The following RANBP17 variants were observed in gnomAD, a reference collection of about 807,000 sequenced individuals.
RANBP17 encodes RAN binding protein 17, also known as ran-binding protein 17.
A neutral mutation model predicts 141.2 loss-of-function variants in RANBP17; 158 were observed. The observed-to-expected ratio is 1.12, with a 90% CI of 0.98 to 1.28. The LOEUF (loss-of-function observed/expected upper bound fraction) is 1.28, where lower values mean the gene tolerates loss of function less well. RANBP17 is among the 50% of genes most tolerant of loss of function. RANBP17 has a pLI of 0.00. For missense variants in RANBP17, 1,438 were observed against 1,290.7 expected, an observed-to-expected ratio of 1.11 and a Z score of -1.75; for synonymous variants, 430 against 450.0, an observed-to-expected ratio of 0.96 and a Z score of 0.56.
intron 21 of RANBP17, among the ~76,000 whole-genome samples, chr5:171,216,929 C>G (rs1169520597): frequency 1.3e-5 from 2 of 152,162 alleles, no homozygotes; most frequent in African/African-American, 2.4e-5. Context: ...TTGCCCTGGT[C>G]AGAACTTCCA....
In RANBP17 at chr5:171,262,537, A is replaced by AT. The variant is rs1417918440; in HGVS notation, c.2777-3138dup. 3.9e-5 allele frequency among the ~76,000 whole-genome samples: 6 copies of AT among 152,198 alleles called. No individual in the cohort carries two copies. In the South Asian group the frequency reaches 8.3e-4, roughly 21 times the overall value. On this transcript the variant is annotated intron_variant, in intron 24 of 27. Transcript: ENST00000523189. ...TATTATTTTTAATTGACACTTGATA[A>AT]TTTTTTATATTTATGGAGTACCATG...
intron 22 of RANBP17, among the ~76,000 whole-genome samples, chr5:171,232,919 A>G (rs1244068446): frequency 6.6e-6 from 1 of 152,236 alleles, no homozygotes; most frequent in Admixed American, 6.5e-5. Context: ...TGCTTCAGTC[A>G]ATAACTTTGT....
chr5:171,064,299 A>T (rs1046917996), intron 14 of RANBP17, among the ~76,000 whole-genome samples: 2 of 152,220 alleles, frequency 1.3e-5, no homozygotes, highest in Non-Finnish European at 2.9e-5. Flanking sequence ...CTATTCGGCC[A>T]TCTTGGCTGC....
At chr5:170,876,902 T>C (rs997237903) in intron 1 of RANBP17, among the ~76,000 whole-genome samples, 1 of 152,184 alleles carries the variant, frequency 6.6e-6, no homozygotes, top group Non-Finnish European at 1.5e-5. Flanking sequence ...CTACCTGACA[T>C]TGAAATCTGT....
intron 1 of RANBP17, among the ~76,000 whole-genome samples, chr5:170,875,227 G>A (rs894177892): frequency 3.9e-5 from 6 of 152,146 alleles, no homozygotes; most frequent in Admixed American, 1.3e-4. Flanking sequence ...CCCTTTGTAG[G>A]TGACCTGGCC....
chr5:171,227,222 A>G (rs1422058965), intron 22 of RANBP17, among the ~76,000 whole-genome samples: 1 of 152,268 alleles, frequency 6.6e-6, no homozygotes, highest in Non-Finnish European at 1.5e-5. Context: ...CTCTTGCACC[A>G]AACAGCCAAG....
At chr5:171,005,615 ATG>A (rs1415987908) in intron 14 of RANBP17, among the ~76,000 whole-genome samples, 1 of 152,224 alleles carries the variant, frequency 6.6e-6, no homozygotes, top group East Asian at 1.9e-4. Flanking sequence ...AAAGACTTAC[ATG>A]TTAGACCTAA....
At chr5:170,979,347 C>G (rs1581299093) in intron 14 of RANBP17, among the ~76,000 whole-genome samples, 1 of 152,266 alleles carries the variant, frequency 6.6e-6, no homozygotes, top group East Asian at 1.9e-4. Context: ...TATAAGAACT[C>G]TAGTTAAATA....
At chr5:171,082,114 T>C (rs1467864277) in intron 14 of RANBP17, among the ~76,000 whole-genome samples, 1 of 152,168 alleles carries the variant, frequency 6.6e-6, no homozygotes, top group Non-Finnish European at 1.5e-5. Flanking sequence ...AAAGCAGATA[T>C]TTTTCTAATA....
intron 25 of RANBP17, among the ~76,000 whole-genome samples, chr5:171,279,755 T>C (rs1244277854): frequency 6.6e-6 from 1 of 152,074 alleles, no homozygotes; most frequent in Non-Finnish European, 1.5e-5. Flanking sequence ...ACAAATTTAA[T>C]CCTGCAGTGA....
intron 14 of RANBP17, among the ~76,000 whole-genome samples, chr5:171,150,795 C>A (rs759593299): frequency 1.2e-4 from 18 of 152,120 alleles, no homozygotes; most frequent in Non-Finnish European, 2.2e-4. Context: ...CATAAGGAGT[C>A]AGAGGTGGTG....
At chr5:171,030,157 C>T (rs879759032) in intron 14 of RANBP17, among the ~76,000 whole-genome samples, 10 of 152,002 alleles carry the variant, frequency 6.6e-5, no homozygotes, top group Non-Finnish European at 1.5e-4. Flanking sequence ...ATTTTTCCAA[C>T]CATTAAGGTA....
intron 14 of RANBP17, among the ~76,000 whole-genome samples, chr5:171,141,523 C>T (rs891681999): frequency 7.1e-6 from 1 of 140,356 alleles, no homozygotes; most frequent in Non-Finnish European, 1.5e-5. Flanking sequence ...AGGAGAATGG[C>T]GTGAACCTGG....
At chr5:170,891,254 A>G (rs1009352375) in intron 3 of RANBP17, among the ~76,000 whole-genome samples, 2 of 152,242 alleles carry the variant, frequency 1.3e-5, no homozygotes, top group African/African-American at 4.8e-5. Flanking sequence ...TAAATGGTTA[A>G]GGAAAGCATA....
At chr5:171,264,753 C>G (rs544193974) in intron 24 of RANBP17, among the ~76,000 whole-genome samples, 1 of 152,330 alleles carries the variant, frequency 6.6e-6, no homozygotes, top group South Asian at 2.1e-4. Flanking sequence ...AGATCAGCAA[C>G]TCAGAAAGTA....
chr5:170,894,767 T>C (rs1190210650), intron 4 of RANBP17, among the ~76,000 whole-genome samples: 9 of 151,988 alleles, frequency 5.9e-5, no homozygotes, highest in Non-Finnish European at 1.3e-4. Flanking sequence ...GATCCTACTG[T>C]CATTTAGGGC....
chr5:171,064,065 C>G (rs1784122010), intron 14 of RANBP17, among the ~76,000 whole-genome samples: 1 of 152,246 alleles, frequency 6.6e-6, no homozygotes, highest in Non-Finnish European at 1.5e-5. Flanking sequence ...TGCTGTTTGT[C>G]ACCCCTTTCT....
At chr5:171,084,162 C>G (rs1470141166) in intron 14 of RANBP17, among the ~76,000 whole-genome samples, 4 of 140,750 alleles carry the variant, frequency 2.8e-5, no homozygotes, top group Admixed American at 2.3e-4. Context: ...CTTCCTGTGT[C>G]CATGTGTTCT....
intron 14 of RANBP17, among the ~76,000 whole-genome samples, chr5:171,140,577 CTTTTTCTGTT>C (rs1407817618): frequency 6.6e-6 from 1 of 152,130 alleles, no homozygotes; most frequent in East Asian, 1.9e-4. Flanking sequence ...GATGCTCAGT[CTTTTTCTGTT>C]TGAGAACAGG....
Sources: allele counts gnomAD v4.1 joint callset (sites outside exome capture counted in the v4.1 genomes callset), GRCh38; gene constraint gnomAD v4.1.1; transcripts MANE v1.5; gene names NCBI Gene and HGNC (gene_info 2026-07-23, HGNC 2026-07-21).